CNTNAP5: variants seen among roughly 807,000 people sequenced by gnomAD.
CNTNAP5 encodes contactin associated protein family member 5.
CNTNAP5 carries 72 observed loss-of-function variants against 150.2 expected under a neutral mutation model. The observed-to-expected ratio is 0.48, with a 90% CI of 0.40 to 0.58. The LOEUF is 0.58. Among genes scored for constraint, CNTNAP5 ranks in the 20% least tolerant of loss-of-function variants. CNTNAP5 has a pLI of 0.00. For synonymous variants in CNTNAP5, 672 were observed against 619.8 expected (o/e 1.08, Z -1.25); for missense variants, 1,636 against 1,626.2 (o/e 1.01, Z -0.10).
chr2:124,373,424 A>G (rs917391899), intron 3 of CNTNAP5, among the ~76,000 whole-genome samples: 1 of 152,112 alleles, frequency 6.6e-6, no homozygotes, highest in Admixed American at 6.6e-5. Flanking sequence ...CCACAAGGAA[A>G]TTGTGGTTTA....
intron 19 of CNTNAP5, among the ~76,000 whole-genome samples, chr2:124,803,639 T>C (rs778810628): frequency 1.3e-5 from 2 of 152,220 alleles, no homozygotes; most frequent in Non-Finnish European, 2.9e-5. Flanking sequence ...AATCTTTTTT[T>C]AAGCATATGC....
At chr2:124,821,903 G>A (rs1054847352) in intron 19 of CNTNAP5, among the ~76,000 whole-genome samples, 1 of 152,182 alleles carries the variant, frequency 6.6e-6, no homozygotes, top group African/African-American at 2.4e-5. Context: ...ATGTGGTTTG[G>A]TCCTACAGCT....
intron 10 of CNTNAP5, among the ~76,000 whole-genome samples, chr2:124,529,607 G>A (rs1695059754): frequency 6.6e-6 from 1 of 152,152 alleles, no homozygotes; most frequent in Admixed American, 6.5e-5. Flanking sequence ...AGAAGGGCAG[G>A]TGTTTTCTGA....
intron 1 of CNTNAP5, among the ~76,000 whole-genome samples, chr2:124,130,864 A>C (rs1449096619): frequency 6.6e-6 from 1 of 152,178 alleles, no homozygotes; most frequent in African/African-American, 2.4e-5. Flanking sequence ...ACATTGAATG[A>C]ATATATACAG....
intron 1 of CNTNAP5, among the ~76,000 whole-genome samples, chr2:124,096,361 G>A (rs943245839): frequency 1.3e-5 from 2 of 152,256 alleles, no homozygotes; most frequent in East Asian, 3.9e-4. Flanking sequence ...GGCAAGAGGT[G>A]TGCATGAAAA....
At chr2:124,721,776 T>C (rs1680055061) in intron 13 of CNTNAP5, among the ~76,000 whole-genome samples, 1 of 152,122 alleles carries the variant, frequency 6.6e-6, no homozygotes. Flanking sequence ...CAGTACTGAT[T>C]TAGTTTGCTA....
At chr2:124,230,148 TGCACAC>T (rs1346491675) in intron 2 of CNTNAP5, among the ~76,000 whole-genome samples, 1 of 152,152 alleles carries the variant, frequency 6.6e-6, no homozygotes, top group Non-Finnish European at 1.5e-5. Context: ...ACAGATTCCA[TGCACAC>T]TTACCACCCC....
intron 16 of CNTNAP5, 117 bp from the exon 17 acceptor site, chr2:124,772,682 T>A: frequency 1.4e-6 from 1 of 712,574 alleles, no homozygotes; most frequent in Non-Finnish European, 2.5e-6. Context: ...TGCAGGGATT[T>A]CAAAAGAAGT....
chr2:124,592,232 A>T (rs915439009), intron 11 of CNTNAP5, among the ~76,000 whole-genome samples: 21 of 152,106 alleles, frequency 1.4e-4, no homozygotes, highest in African/African-American at 4.1e-4. Context: ...CTTGGAGCAG[A>T]TCACTAGACA....
At chr2:124,315,551 T>C (rs1441615653) in intron 3 of CNTNAP5, among the ~76,000 whole-genome samples, 1 of 152,198 alleles carries the variant, frequency 6.6e-6, no homozygotes, top group Admixed American at 6.5e-5. Context: ...CATAAGATGA[T>C]GTATTTTTAA....
chr2:124,381,144 A>G (rs960420838), intron 3 of CNTNAP5, among the ~76,000 whole-genome samples: 3 of 152,146 alleles, frequency 2.0e-5, no homozygotes, highest in African/African-American at 7.2e-5. Flanking sequence ...GACAGATGAA[A>G]GTCTGATGTA....
chr2:124,341,483 TG>T (rs1171813050), intron 3 of CNTNAP5, among the ~76,000 whole-genome samples: 1 of 152,110 alleles, frequency 6.6e-6, no homozygotes, highest in Admixed American at 6.6e-5. Context: ...GAGAGAAAAA[TG>T]TTAGTAATGG....
intron 18 of CNTNAP5, among the ~76,000 whole-genome samples, chr2:124,796,816 C>A (rs1318775546): frequency 6.6e-6 from 1 of 152,106 alleles, no homozygotes; most frequent in African/African-American, 2.4e-5. Context: ...GTTTACTGTG[C>A]AGTTTTTATG....
chr2:124,759,367 A>G (rs1400868497), intron 14 of CNTNAP5, among the ~76,000 whole-genome samples: 1 of 146,900 alleles, frequency 6.8e-6, no homozygotes, highest in African/African-American at 2.5e-5. Flanking sequence ...TATTCATTAT[A>G]TATATTTATT....
chr2:124,029,049 G>C (rs959004294), intron 1 of CNTNAP5, among the ~76,000 whole-genome samples: 2 of 152,074 alleles, frequency 1.3e-5, no homozygotes, highest in African/African-American at 4.8e-5. Context: ...TTAATTTTGA[G>C]CAATACATCA....
intron 13 of CNTNAP5, among the ~76,000 whole-genome samples, chr2:124,666,338 T>C (rs1678699601): frequency 6.6e-6 from 1 of 152,130 alleles, no homozygotes; most frequent in African/African-American, 2.4e-5. Flanking sequence ...GAAAAAAATA[T>C]TTAAGATAAG....
At chr2:124,196,196 C>A (rs906193195) in intron 1 of CNTNAP5, among the ~76,000 whole-genome samples, 9 of 152,008 alleles carry the variant, frequency 5.9e-5, no homozygotes, top group African/African-American at 2.2e-4. Flanking sequence ...AGAAATGGAG[C>A]TGTCACGCAA....
chr2:124,084,023 T>G (rs1682621043), intron 1 of CNTNAP5, among the ~76,000 whole-genome samples: 2 of 140,764 alleles, frequency 1.4e-5, no homozygotes, highest in African/African-American at 2.6e-5. Context: ...ATGGACACTG[T>G]GTATCTGTCC....
intron 13 of CNTNAP5, among the ~76,000 whole-genome samples, chr2:124,691,162 G>A (rs1261084788): frequency 6.6e-6 from 1 of 152,116 alleles, no homozygotes; most frequent in East Asian, 1.9e-4. Flanking sequence ...AGAAAAGCCT[G>A]TCTGTTGGCT....
Sources: gnomAD v4.1 joint callset for allele counts (sites outside exome capture counted in the v4.1 genomes callset) on GRCh38, gnomAD v4.1.1 for gene constraint, MANE v1.5 for transcripts, NCBI Gene and HGNC (gene_info 2026-07-23, HGNC 2026-07-21) for gene names.